ADAMTSL1: variants seen among roughly 807,000 people sequenced by gnomAD.
ADAMTSL1 encodes the protein ADAMTS-like protein 1.
In ADAMTSL1, 126 loss-of-function variants were observed where a neutral mutation model predicts 201.8. That is an observed-to-expected ratio of 0.62 (90% confidence interval 0.54 to 0.72). The LOEUF (loss-of-function observed/expected upper bound fraction) is 0.72, where lower values mean the gene tolerates loss of function less well. Ranked by LOEUF, ADAMTSL1 falls within the 30% of genes least tolerant of loss-of-function variation. The pLI is 0.00. For synonymous variants in ADAMTSL1, 1,121 were observed against 903.4 expected (o/e 1.24, Z -4.32); for missense variants, 2,679 against 2,277.8 (o/e 1.18, Z -3.59).
At chr9:18,894,671 G>T (rs1367609135) in intron 26 of ADAMTSL1, among the ~76,000 whole-genome samples, 3 of 152,190 alleles carry the variant, frequency 2.0e-5, no homozygotes, top group Non-Finnish European at 2.9e-5. Context: ...GACATGTTTA[G>T]TATGAGATAT....
intron 5 of ADAMTSL1, among the ~76,000 whole-genome samples, chr9:18,630,101 G>A (rs1356084375): frequency 6.6e-6 from 1 of 152,088 alleles, no homozygotes; most frequent in Non-Finnish European, 1.5e-5. Flanking sequence ...TCCTTGAGCT[G>A]TGTTCTGGGA....
intron 21 of ADAMTSL1, among the ~76,000 whole-genome samples, chr9:18,822,876 A>C (rs1037355576): frequency 6.6e-6 from 1 of 152,216 alleles, no homozygotes; most frequent in African/African-American, 2.4e-5. Flanking sequence ...AGTATTAGGC[A>C]TGTGTATCAC....
At chr9:18,808,852 C>A (rs962705000) in intron 20 of ADAMTSL1, among the ~76,000 whole-genome samples, 10 of 152,244 alleles carry the variant, frequency 6.6e-5, no homozygotes, top group African/African-American at 2.4e-4. Context: ...CTTGCTAGTT[C>A]TGTTGCCTTG....
intron 13 of ADAMTSL1, among the ~76,000 whole-genome samples, chr9:18,692,556 A>G (rs1306365868): frequency 6.6e-6 from 1 of 152,180 alleles, no homozygotes; most frequent in East Asian, 1.9e-4. Flanking sequence ...CCCTGTCACC[A>G]CCAATATATG....
chr9:18,445,453 G>A (rs573360670), intron 2 of ADAMTSL1, among the ~76,000 whole-genome samples: 1 of 152,180 alleles, frequency 6.6e-6, no homozygotes, highest in Admixed American at 6.5e-5. Flanking sequence ...TTTAATCACA[G>A]TATATTTAAG....
At chr9:18,050,466 C>G (rs994661959) in intron 1 of ADAMTSL1, among the ~76,000 whole-genome samples, 1 of 152,140 alleles carries the variant, frequency 6.6e-6, no homozygotes, top group African/African-American at 2.4e-5. Flanking sequence ...CTAAATGAAT[C>G]TAGCATCAAT....
chr9:18,138,296 T>G (rs1826246001), intron 1 of ADAMTSL1, among the ~76,000 whole-genome samples: 2 of 152,188 alleles, frequency 1.3e-5, no homozygotes, highest in Admixed American at 1.3e-4. Flanking sequence ...TTTCAGGTTT[T>G]AAACCAGATA....
intron 4 of ADAMTSL1, among the ~76,000 whole-genome samples, chr9:18,598,400 A>T (rs1160351220): frequency 6.6e-6 from 1 of 152,102 alleles, no homozygotes; most frequent in Non-Finnish European, 1.5e-5. Flanking sequence ...AATGCTTTTT[A>T]TGTGTGTTTT....
chr9:18,398,811 C>A (rs571988346), intron 2 of ADAMTSL1, among the ~76,000 whole-genome samples: 1 of 152,076 alleles, frequency 6.6e-6, no homozygotes, highest in Non-Finnish European at 1.5e-5. Context: ...ATCAAATTCC[C>A]TCCATCAATA....
chr9:18,224,987 A>G (rs539986172), intron 2 of ADAMTSL1, among the ~76,000 whole-genome samples: 3 of 152,084 alleles, frequency 2.0e-5, no homozygotes, highest in Non-Finnish European at 2.9e-5. Context: ...AACTTTTTCT[A>G]AATTTCTCAT....
At chr9:18,142,269 C>A (rs192520503) in intron 1 of ADAMTSL1, among the ~76,000 whole-genome samples, 227 of 152,318 alleles carry the variant, frequency 1.5e-3, no homozygotes, top group South Asian at 2.5e-3. Context: ...ATTAGAATAT[C>A]TGAGGTCAAG....
chr9:18,340,564 C>G (rs1242427363), intron 2 of ADAMTSL1, among the ~76,000 whole-genome samples: 1 of 152,102 alleles, frequency 6.6e-6, no homozygotes, highest in African/African-American at 2.4e-5. Context: ...TTGTCTCTGT[C>G]TCCCTACCCA....
intron 2 of ADAMTSL1, among the ~76,000 whole-genome samples, chr9:18,310,142 A>C (rs1308382475): frequency 6.6e-6 from 1 of 152,052 alleles, no homozygotes; most frequent in Non-Finnish European, 1.5e-5. Context: ...ATATGCAGAA[A>C]ACTGGAACTG....
chr9:18,220,526 A>T lies in ADAMTSL1; in HGVS notation c.207+56545A>T, dbSNP rs865820914. On this transcript the variant is annotated intron_variant, in intron 2 of 29. Coordinates refer to the ADAMTSL1 transcript ENST00000680146. ...AGTATGTGTTTCTCTTCTAAACACC[A>T]TATTGGATTTTCACTCTTGTTTTAA... is the stretch of plus-strand genomic sequence containing the variant. Among the ~76,000 whole-genome samples the T allele has an allele frequency of 2.6e-5, 4 of 152,312 alleles. No individual in the cohort carries two copies. The East Asian group carries it at 7.7e-4, about 29-fold the overall frequency.
At chr9:18,804,736 G>T (rs748592508) in intron 20 of ADAMTSL1, among the ~76,000 whole-genome samples, 3 of 152,064 alleles carry the variant, frequency 2.0e-5, no homozygotes, top group Admixed American at 6.6e-5. Flanking sequence ...TTCTTCAACT[G>T]GAAATTTTCA....
intron 15 of ADAMTSL1, among the ~76,000 whole-genome samples, chr9:18,732,263 G>A (rs899075779): frequency 4.6e-5 from 7 of 152,144 alleles, no homozygotes; most frequent in East Asian, 1.9e-4. Flanking sequence ...AGGGTAAAGC[G>A]AAGCTATGGA....
intron 3 of ADAMTSL1, among the ~76,000 whole-genome samples, chr9:18,562,129 C>G (rs1476146814): frequency 6.6e-6 from 1 of 152,166 alleles, no homozygotes. Flanking sequence ...ATGGTGTTCA[C>G]AATTTGGTAT....
chr9:17,994,090 TTG>T lies in ADAMTSL1; in HGVS notation c.87+87198_87+87199del, dbSNP rs367861504. Among the ~76,000 whole-genome samples the T allele has an allele frequency of 7.3e-3, 1,031 of 141,316 alleles. 12 individuals carry two copies. Among genetic ancestry groups the T allele is most frequent in the African/African-American group, 0.017 (681 of 39,042 alleles). The allele number at this position is 141,316 out of a possible 152,430, so 92.7% of individuals were successfully genotyped here. On this transcript the variant is annotated intron_variant, in intron 1 of 29. Transcript: ENST00000680146. ...CTCCACCTCGGCAGACAGAATCTCA[TTG>T]TGTGTGTGTGTGTGTGTGTGTGTGT...
intron 1 of ADAMTSL1, among the ~76,000 whole-genome samples, chr9:17,978,519 C>T (rs1014591452): frequency 1.3e-5 from 2 of 152,050 alleles, no homozygotes; most frequent in Non-Finnish European, 2.9e-5. Context: ...AGTTGTAACA[C>T]CTTATTTTAT....
Sources: gnomAD v4.1 joint callset for allele counts (sites outside exome capture counted in the v4.1 genomes callset) on GRCh38, gnomAD v4.1.1 for gene constraint, MANE v1.5 for transcripts, NCBI Gene and HGNC (gene_info 2026-07-23, HGNC 2026-07-21) for gene names.